ZP3: variants seen among roughly 807,000 people sequenced by gnomAD.
ZP3 encodes the protein zona pellucida sperm-binding protein 3.
In ZP3, 21 loss-of-function variants were observed where a neutral mutation model predicts 35.6. That is an observed-to-expected ratio of 0.59 (90% CI 0.42 to 0.85). The LOEUF is 0.85. Ranked by LOEUF, ZP3 falls within the 40% of genes least tolerant of loss-of-function variation. The pLI, the probability that ZP3 is intolerant of heterozygous loss-of-function variation, is 0.00. For missense variants in ZP3, 437 were observed against 536.5 expected (o/e 0.81, Z 1.83); for synonymous variants, 207 against 214.5 (o/e 0.96, Z 0.31).
At chr7:76,397,835 G>C in intron 1 of ZP3, 1 of 1,556,552 alleles carries the variant, frequency 6.4e-7, no homozygotes, top group Non-Finnish European at 8.7e-7. Flanking sequence ...GCCCTCACCT[G>C]GGGATGGGGG....
Position 76,425,037 on chromosome 7 carries a change from C to T in ZP3, c.73C>T (p.Leu25Phe). 2 of 1,602,328 alleles carry T rather than the reference C, an allele frequency of 1.2e-6. No individual in the cohort carries two copies. The change falls in exon 1 of 8, where the codon CTC becomes TTC. Residue 25 changes from leucine to phenylalanine, a missense_variant. Around this residue, in one of 6 missense-constraint regions of ZP3, gnomAD observed 352 missense variants for 308.4 expected, o/e 1.14. Coordinates refer to ENST00000394857, the MANE Select transcript of ZP3 (RefSeq NM_001110354.2). ...TACTGAGCTGTGCTACCCCCAACCC[C>T]TCTGGCTCTTGCAGGGTGGAGCCAG... ...GSTELCYPQP[L>F]WLLQGGASHP...
chr7:76,431,670 C>A (rs986537203), intron 2 of ZP3, among the ~76,000 whole-genome samples: 1 of 152,034 alleles, frequency 6.6e-6, no homozygotes, highest in Non-Finnish European at 1.5e-5. Flanking sequence ...GAGGCCGAGG[C>A]GGGCGGATCA....
At chr7:76,418,680 C>T (rs1352664875) in intron 1 of ZP3, among the ~76,000 whole-genome samples, 1 of 149,966 alleles carries the variant, frequency 6.7e-6, no homozygotes, top group Admixed American at 6.7e-5. Flanking sequence ...CACGGTAAAA[C>T]TCCATCTCTA....
intron 1 of ZP3, among the ~76,000 whole-genome samples, chr7:76,412,440 G>A (rs780260586): frequency 3.9e-5 from 6 of 151,960 alleles, no homozygotes; most frequent in African/African-American, 1.5e-4. Flanking sequence ...AGTACAAAGG[G>A]GTATTTATGA....
intron 1 of ZP3, among the ~76,000 whole-genome samples, chr7:76,402,250 T>A (rs960899685): frequency 1.3e-5 from 2 of 149,988 alleles, no homozygotes; most frequent in African/African-American, 4.9e-5. Context: ...CATGATCTCA[T>A]CTCACTGCAG....
intron 7 of ZP3, 120 bp downstream of exon 7, chr7:76,440,731 C>T (rs1232623050): frequency 4.8e-6 from 7 of 1,453,998 alleles, no homozygotes; most frequent in Non-Finnish European, 6.4e-6. Context: ...TGTACCTAGG[C>T]CTGCAGCTAC....
chr7:76,438,419 G>A (rs1454908149), intron 5 of ZP3, among the ~76,000 whole-genome samples: 2 of 152,192 alleles, frequency 1.3e-5, no homozygotes, highest in South Asian at 4.1e-4. Flanking sequence ...CTAGCCTGGT[G>A]TGGTGGTGGG....
intron 1 of ZP3, among the ~76,000 whole-genome samples, chr7:76,409,942 C>G (rs1455446832): frequency 6.6e-6 from 1 of 152,192 alleles, no homozygotes; most frequent in African/African-American, 2.4e-5. Flanking sequence ...GAAATGGTCC[C>G]AGGAGCCACA....
chr7:76,435,830 C>G (rs1805981720), intron 5 of ZP3, among the ~76,000 whole-genome samples: 1 of 145,584 alleles, frequency 6.9e-6, no homozygotes, highest in South Asian at 2.1e-4. Flanking sequence ...CGGGTGCAAG[C>G]AATTCTGCCT....
At chr7:76,406,766 T>C (rs1333345888) in intron 1 of ZP3, among the ~76,000 whole-genome samples, 3 of 151,302 alleles carry the variant, frequency 2.0e-5, no homozygotes, top group Non-Finnish European at 2.9e-5. Context: ...TTGTTTTTAA[T>C]ACCCCAATCC....
At chr7:76,417,360 C>T (rs867838879) in intron 1 of ZP3, among the ~76,000 whole-genome samples, 5 of 151,478 alleles carry the variant, frequency 3.3e-5, no homozygotes, top group Middle Eastern at 3.4e-3. Context: ...TGCCCGGCCT[C>T]ATATCCCTAA....
chr7:76,400,640 C>A, intron 1 of ZP3: 1 of 1,411,292 alleles, frequency 7.1e-7, no homozygotes, highest in Admixed American at 3.1e-5. Flanking sequence ...GTCCAACCTC[C>A]AGCATGCCCA....
intron 7 of ZP3, among the ~76,000 whole-genome samples, chr7:76,441,000 C>T (rs545127951): frequency 8.6e-5 from 13 of 151,866 alleles, no homozygotes; most frequent in Admixed American, 3.9e-4. Context: ...GGAGAAACCC[C>T]ATCTCTACTA....
intron 5 of ZP3, among the ~76,000 whole-genome samples, chr7:76,434,922 A>G (rs1373249699): frequency 6.6e-6 from 1 of 151,588 alleles, no homozygotes; most frequent in East Asian, 2.0e-4. Flanking sequence ...AGAAAACTCA[A>G]ATTGACACTA....
intron 5 of ZP3, among the ~76,000 whole-genome samples, chr7:76,436,201 G>A (rs1490130891): frequency 8.6e-5 from 13 of 151,612 alleles, no homozygotes; most frequent in African/African-American, 2.2e-4. Context: ...GTAGGCATAC[G>A]CCACTACTGA....
At chr7:76,397,787 C>T in exon 1 of ZP3, 1 of 1,607,052 alleles carries the variant, frequency 6.2e-7, no homozygotes, top group Non-Finnish European at 8.5e-7. Flanking sequence ...CTCCACTCGG[C>T]CCTGACACAG....
chr7:76,435,610 C>A (rs1467408796), intron 5 of ZP3, among the ~76,000 whole-genome samples: 1 of 152,244 alleles, frequency 6.6e-6, no homozygotes, highest in Non-Finnish European at 1.5e-5. Flanking sequence ...GAGTCTCATA[C>A]CTTCACTCTA....
chr7:76,441,735 A>C (rs1806206523), intron 7 of ZP3, 107 bp from the exon 8 acceptor site: 2 of 1,126,420 alleles, frequency 1.8e-6, no homozygotes, highest in Admixed American at 3.8e-5. Flanking sequence ...TAGCCCACAC[A>C]AAAAAGACAA....
At chr7:76,414,887 CTTA>C (rs1584045049) in intron 1 of ZP3, among the ~76,000 whole-genome samples, 1 of 48,760 alleles carries the variant, frequency 2.1e-5, no homozygotes, top group East Asian at 6.5e-4. Context: ...AACTCCAAAT[CTTA>C]TGCAGCCATG....
Sources: gnomAD v4.1 joint callset for allele counts (sites outside exome capture counted in the v4.1 genomes callset) on GRCh38, gnomAD v4.1.1 for gene constraint, gnomAD v4.1.1 regional missense constraint, MANE v1.5 for transcripts, NCBI Gene and HGNC (gene_info 2026-07-23, HGNC 2026-07-21) for gene names.